The following PDLIM5 variants were observed in gnomAD, a reference collection of about 807,000 sequenced individuals.
PDLIM5 encodes the protein PDZ and LIM domain protein 5.
A neutral mutation model predicts 64.2 loss-of-function variants in PDLIM5; 34 were observed. The observed-to-expected ratio is 0.53, with a 90% CI of 0.40 to 0.71. The LOEUF (loss-of-function observed/expected upper bound fraction) is 0.71. Ranked by LOEUF, PDLIM5 falls within the 30% of genes least tolerant of loss-of-function variation. The probability of loss-of-function intolerance (pLI) is 0.00; values close to 1 mark genes in which losing one functional copy is unlikely to be tolerated. For synonymous variants in PDLIM5, 253 were observed against 269.1 expected (o/e 0.94, Z 0.59); for missense variants, 683 against 733.6 (o/e 0.93, Z 0.80).
rs568269568 is a variant in PDLIM5 at position 94,483,267 on chromosome 4, G to A, written c.96+27883G>A. On this transcript the variant is annotated intron_variant, in intron 2 of 12. Transcript: ENST00000317968. Reference sequence around the variant, plus strand: ...ATAATTTTAAATTTTGGTAAAATTAGTGTTAATTAAAAACATACTAAAACA... The same window carrying A: ...ATAATTTTAAATTTTGGTAAAATTAATGTTAATTAAAAACATACTAAAACA... 7.9e-5 allele frequency among the ~76,000 whole-genome samples: 12 copies of A among 152,104 alleles called. No individual in the cohort carries two copies. The South Asian group carries it at 1.5e-3, about 18-fold the overall frequency.
intron 2 of PDLIM5, among the ~76,000 whole-genome samples, chr4:94,458,041 G>A (rs1379260432): frequency 6.6e-6 from 1 of 152,096 alleles, no homozygotes; most frequent in African/African-American, 2.4e-5. Context: ...CTAGGCTCTT[G>A]GCCTTTCATT....
chr4:94,479,468 C>T (rs1034273983), intron 2 of PDLIM5, among the ~76,000 whole-genome samples: 1 of 151,462 alleles, frequency 6.6e-6, no homozygotes, highest in Admixed American at 6.6e-5. Flanking sequence ...GTTGGGACTA[C>T]AGGCAAGTGC....
chr4:94,467,419 A>G (rs1230357458), intron 2 of PDLIM5, among the ~76,000 whole-genome samples: 3 of 152,036 alleles, frequency 2.0e-5, no homozygotes, highest in Non-Finnish European at 2.9e-5. Flanking sequence ...GCTTCAAGCA[A>G]TTCTGTGCCT....
chr4:94,622,197 G>C (rs2110408151), intron 8 of PDLIM5, among the ~76,000 whole-genome samples: 1 of 152,096 alleles, frequency 6.6e-6, no homozygotes, highest in African/African-American at 2.4e-5. Context: ...TAGATAAATA[G>C]TTTCAAAAGC....
At chr4:94,592,712 G>A (rs1264942669) in intron 7 of PDLIM5, among the ~76,000 whole-genome samples, 8 of 151,868 alleles carry the variant, frequency 5.3e-5, no homozygotes, top group African/African-American at 1.9e-4. Context: ...ACTGCACCTC[G>A]ACCTCCCAGG....
intron 2 of PDLIM5, among the ~76,000 whole-genome samples, chr4:94,468,817 C>T (rs1724597883): frequency 6.6e-6 from 1 of 152,190 alleles, no homozygotes; most frequent in South Asian, 2.1e-4. Flanking sequence ...CTGAATGACA[C>T]ATGTCAGAGC....
At chr4:94,507,955 T>C (rs976006566) in intron 2 of PDLIM5, among the ~76,000 whole-genome samples, 1 of 152,178 alleles carries the variant, frequency 6.6e-6, no homozygotes, top group African/African-American at 2.4e-5. Context: ...AACAGTGACA[T>C]TGCTTAATAG....
At chr4:94,608,532 T>C (rs1738114232) in intron 7 of PDLIM5, among the ~76,000 whole-genome samples, 1 of 152,164 alleles carries the variant, frequency 6.6e-6, no homozygotes, top group Non-Finnish European at 1.5e-5. Context: ...TGCCCAGACA[T>C]ATTCTAAAGA....
intron 8 of PDLIM5, among the ~76,000 whole-genome samples, chr4:94,637,483 C>T (rs1211403049): frequency 6.6e-6 from 1 of 152,138 alleles, no homozygotes; most frequent in African/African-American, 2.4e-5. Context: ...CATTTGAACC[C>T]TGGAGGTGGA....
intron 8 of PDLIM5, among the ~76,000 whole-genome samples, chr4:94,628,968 A>C (rs957546064): frequency 6.7e-6 from 1 of 148,342 alleles, no homozygotes; most frequent in African/African-American, 2.6e-5. Context: ...TTTTTTTAAG[A>C]AAATGAAGCC....
At chr4:94,612,559 T>A (rs1318342141) in intron 7 of PDLIM5, among the ~76,000 whole-genome samples, 1 of 152,206 alleles carries the variant, frequency 6.6e-6, no homozygotes, top group Non-Finnish European at 1.5e-5. Flanking sequence ...TGCAAAAGTG[T>A]GCAAGCATTT....
intron 3 of PDLIM5, among the ~76,000 whole-genome samples, chr4:94,572,748 C>T (rs1734916082): frequency 6.6e-6 from 1 of 152,174 alleles, no homozygotes; most frequent in African/African-American, 2.4e-5. Flanking sequence ...TCATTGCCTT[C>T]TCTGAAATTA....
intron 11 of PDLIM5, 42 bp from the exon 12 acceptor site, chr4:94,662,380 C>T: frequency 1.1e-6 from 1 of 914,558 alleles, no homozygotes. Context: ...TCTAAAACTT[C>T]ATCATGTTTA....
intron 5 of PDLIM5, among the ~76,000 whole-genome samples, chr4:94,583,256 A>G (rs1358212961): frequency 4.6e-5 from 7 of 152,150 alleles, no homozygotes; most frequent in African/African-American, 1.7e-4. Flanking sequence ...GGTAAACAAC[A>G]CAAAGAATCT....
chr4:94,556,987 G>A (rs4699533), intron 3 of PDLIM5, among the ~76,000 whole-genome samples: 93,390 of 152,076 alleles, frequency 0.61, 31,137 homozygotes, highest in African/African-American at 0.89. Context: ...GCCCATGCCT[G>A]TGTCCTGAAT....
In PDLIM5 at chr4:94,533,772, A is replaced by G. The variant is rs758909172; in HGVS notation, c.248+9897A>G. On this transcript the variant is annotated intron_variant, in intron 3 of 12. Transcript: ENST00000317968. ...GAGTATTAGTACGGTATCCATTGTA[A>G]AGTACTTCTAGAGGACCATATTTGT... is the stretch of plus-strand genomic sequence containing the variant. 3.9e-5 allele frequency among the ~76,000 whole-genome samples: 6 copies of G among 152,188 alleles called. 1 individual carries two copies. The highest frequency in any genetic ancestry group is 8.8e-5 in the Non-Finnish European group (6 of 68,036).
chr4:94,583,318 G>T (rs1012802826), intron 5 of PDLIM5, among the ~76,000 whole-genome samples: 34 of 152,138 alleles, frequency 2.2e-4, no homozygotes, highest in African/African-American at 8.2e-4. Flanking sequence ...TACTACTTAG[G>T]TAGTGTCATT....
chr4:94,517,971 GT>G (rs1310718729), intron 2 of PDLIM5, among the ~76,000 whole-genome samples: 1 of 152,124 alleles, frequency 6.6e-6, no homozygotes, highest in Non-Finnish European at 1.5e-5. Context: ...TATTTTCTTA[GT>G]TTGGCAACTG....
chr4:94,538,562 C>G (rs1731510641), intron 3 of PDLIM5, among the ~76,000 whole-genome samples: 1 of 152,138 alleles, frequency 6.6e-6, no homozygotes, highest in Non-Finnish European at 1.5e-5. Flanking sequence ...GCTGCTTTCT[C>G]CATCTATTTT....
Sources: gnomAD v4.1 joint callset for allele counts (sites outside exome capture counted in the v4.1 genomes callset) on GRCh38, gnomAD v4.1.1 for gene constraint, MANE v1.5 for transcripts, NCBI Gene and HGNC (gene_info 2026-07-23, HGNC 2026-07-21) for gene names.